Variants in NKAIN2 observed in about 807,000 individuals in gnomAD.
NKAIN2 encodes sodium/potassium transporting ATPase interacting 2, also known as sodium/potassium-transporting ATPase subunit beta-1-interacting protein 2.
A neutral mutation model predicts 32.6 loss-of-function variants in NKAIN2; 14 were observed. The observed-to-expected ratio is 0.43, with a 90% CI of 0.28 to 0.67. The LOEUF is 0.67. Among genes scored for constraint, NKAIN2 ranks in the 30% least tolerant of loss-of-function variants. The pLI is 0.17. For synonymous variants in NKAIN2, 80 were observed against 87.2 expected, an observed-to-expected ratio of 0.92 and a Z score of 0.46; for missense variants, 198 against 258.3, an observed-to-expected ratio of 0.77 and a Z score of 1.60.
chr6:123,892,140 G>A (rs1774047707), intron 1 of NKAIN2, among the ~76,000 whole-genome samples: 1 of 152,102 alleles, frequency 6.6e-6, no homozygotes, highest in Non-Finnish European at 1.5e-5. Flanking sequence ...AAAAGAAAGT[G>A]AGGGCTCCAT....
chr6:124,400,597 C>T (rs905326014), intron 3 of NKAIN2, among the ~76,000 whole-genome samples: 1 of 152,176 alleles, frequency 6.6e-6, no homozygotes, highest in African/African-American at 2.4e-5. Context: ...GTCTGCTGTA[C>T]ACCAAGTTTC....
chr6:123,815,421 A>G (rs1417450770), intron 1 of NKAIN2, among the ~76,000 whole-genome samples: 1 of 152,226 alleles, frequency 6.6e-6, no homozygotes, highest in Non-Finnish European at 1.5e-5. Flanking sequence ...CACTTGATGC[A>G]ACATTACTTC....
chr6:124,173,000 T>G (rs1026656726), intron 1 of NKAIN2, among the ~76,000 whole-genome samples: 4 of 152,134 alleles, frequency 2.6e-5, no homozygotes, highest in Non-Finnish European at 4.4e-5. Flanking sequence ...TTAAGCAATT[T>G]AGTGACAATT....
chr6:124,401,607 C>T (rs1307678665), intron 3 of NKAIN2, among the ~76,000 whole-genome samples: 1 of 152,174 alleles, frequency 6.6e-6, no homozygotes, highest in Non-Finnish European at 1.5e-5. Context: ...CAGGCTTTTT[C>T]CATGTTGCCA....
intron 1 of NKAIN2, among the ~76,000 whole-genome samples, chr6:123,923,542 A>G (rs1775859834): frequency 6.6e-6 from 1 of 152,000 alleles, no homozygotes; most frequent in Non-Finnish European, 1.5e-5. Flanking sequence ...GAACCAACCC[A>G]AATGTCCAAC....
chr6:124,695,005 T>C (rs1424565898), intron 4 of NKAIN2, among the ~76,000 whole-genome samples: 1 of 152,186 alleles, frequency 6.6e-6, no homozygotes, highest in Non-Finnish European at 1.5e-5. Context: ...ACCTTTATAA[T>C]ATGTCATATA....
At position 123,988,285 on chromosome 6, in the gene NKAIN2, AT is replaced by A; in HGVS notation, c.54+184034del. 2.6e-5 allele frequency among the ~76,000 whole-genome samples: 4 copies of A among 152,274 alleles called. No individual in the cohort carries two copies. In the South Asian group the frequency reaches 8.3e-4, roughly 32 times the overall value. On this transcript the variant is annotated intron_variant, in intron 1 of 6. Coordinates refer to ENST00000368417, the MANE Select transcript of NKAIN2 (RefSeq NM_001040214.3). ...TAAGTAAATTTTCTCATACAATTTA[AT>A]TTCATTACAAATACATGCCAAAGAC...
chr6:124,468,589 T>G (rs1776852448), intron 3 of NKAIN2, among the ~76,000 whole-genome samples: 1 of 152,178 alleles, frequency 6.6e-6, no homozygotes, highest in South Asian at 2.1e-4. Context: ...GTGTATATGC[T>G]CATAGGATGC....
chr6:124,518,302 A>T (rs1025258623), intron 3 of NKAIN2, among the ~76,000 whole-genome samples: 3 of 151,620 alleles, frequency 2.0e-5, no homozygotes, highest in African/African-American at 7.3e-5. Context: ...TAAAAAAAAA[A>T]AAAAAGATAG....
chr6:124,130,027 T>G (rs1786383068), intron 1 of NKAIN2, among the ~76,000 whole-genome samples: 1 of 152,240 alleles, frequency 6.6e-6, no homozygotes, highest in Non-Finnish European at 1.5e-5. Flanking sequence ...TTCTGCAATC[T>G]AAGTGAAAAG....
chr6:124,339,858 G>T (rs1377524648), intron 2 of NKAIN2, among the ~76,000 whole-genome samples: 1 of 152,068 alleles, frequency 6.6e-6, no homozygotes, highest in African/African-American at 2.4e-5. Context: ...GGGCCTTAAA[G>T]CAATAGAATA....
intron 3 of NKAIN2, among the ~76,000 whole-genome samples, chr6:124,357,937 CACA>C (rs1336195998): frequency 2.0e-5 from 3 of 152,114 alleles, no homozygotes; most frequent in African/African-American, 7.2e-5. Context: ...ACCCGCACGC[CACA>C]ACAGGCCCCT....
chr6:123,996,106 G>C (rs1020031151), intron 1 of NKAIN2, among the ~76,000 whole-genome samples: 1 of 152,010 alleles, frequency 6.6e-6, no homozygotes, highest in Non-Finnish European at 1.5e-5. Flanking sequence ...AAGGGTATTT[G>C]AGAAAGGAAA....
At chr6:124,259,929 A>T (rs1428392282) in intron 1 of NKAIN2, among the ~76,000 whole-genome samples, 1 of 152,146 alleles carries the variant, frequency 6.6e-6, no homozygotes, top group Non-Finnish European at 1.5e-5. Flanking sequence ...CTGCTTTCTG[A>T]CAAAGTATAC....
chr6:124,441,934 G>A (rs368397459), intron 3 of NKAIN2, among the ~76,000 whole-genome samples: 1 of 151,452 alleles, frequency 6.6e-6, no homozygotes, highest in African/African-American at 2.4e-5. Flanking sequence ...GATGAGGGCA[G>A]TAACTAGATA....
In NKAIN2 at chr6:123,803,905, C is replaced by T. The variant is rs1007255375; in HGVS notation, c.-296C>T. ...CGGCGGCGCTGCCAGGCTGCCGCTG[C>T]TGCCCCTGCGGGCCCCGAGCGCGCC... is the stretch of plus-strand genomic sequence containing the variant. On this transcript the variant is annotated 5_prime_UTR_variant, in exon 1 of 7. Transcript: ENST00000368417. 2.0e-4 allele frequency among the ~76,000 whole-genome samples: 29 copies of T among 148,376 alleles called. No individual in the cohort carries two copies. The highest frequency in any genetic ancestry group is 7.1e-4 in the African/African-American group (29 of 41,012).
chr6:123,887,152 TGACATTAACTATTTTATGTCCCTAGTG>T (rs1773758791), intron 1 of NKAIN2, among the ~76,000 whole-genome samples: 1 of 151,574 alleles, frequency 6.6e-6, no homozygotes, highest in Non-Finnish European at 1.5e-5. Context: ...CATTAACTAA[TGACATTAACTATTTTATGTCCCTAGTG>T]GGCACTTAGA....
intron 3 of NKAIN2, among the ~76,000 whole-genome samples, chr6:124,560,703 A>G (rs1780657705): frequency 6.6e-6 from 1 of 152,252 alleles, no homozygotes; most frequent in Non-Finnish European, 1.5e-5. Flanking sequence ...AATTATTATC[A>G]TAATCCTAAG....
At chr6:124,591,005 C>T (rs1583485897) in intron 3 of NKAIN2, among the ~76,000 whole-genome samples, 1 of 152,360 alleles carries the variant, frequency 6.6e-6, no homozygotes, top group Non-Finnish European at 1.5e-5. Context: ...CAAAGATCAA[C>T]TGCAGCCATC....
Sources: gnomAD v4.1 joint callset for allele counts (sites outside exome capture counted in the v4.1 genomes callset) on GRCh38, gnomAD v4.1.1 for gene constraint, MANE v1.5 for transcripts, NCBI Gene and HGNC (gene_info 2026-07-23, HGNC 2026-07-21) for gene names.